The following BUB1 variants were observed in gnomAD, a reference collection of about 807,000 sequenced individuals.
BUB1 encodes BUB1 mitotic checkpoint serine/threonine kinase, also known as mitotic checkpoint serine/threonine-protein kinase BUB1.
In BUB1, 84 loss-of-function variants were observed where a neutral mutation model predicts 135.2. The ratio of observed to expected loss-of-function variants is 0.62; its 90% confidence interval spans 0.52 to 0.74. The LOEUF (loss-of-function observed/expected upper bound fraction) is 0.74. Among genes scored for constraint, BUB1 ranks in the 30% least tolerant of loss-of-function variants. BUB1 has a pLI of 0.00. For synonymous variants in BUB1, 403 were observed against 434.4 expected (o/e 0.93, Z 0.90); for missense variants, 1,162 against 1,288.3 (o/e 0.90, Z 1.50).
chr2:110,648,459 C>G lies in BUB1; in HGVS notation c.2347+775G>C, dbSNP rs1250654881. Among the ~76,000 whole-genome samples the G allele has an allele frequency of 6.6e-6, 1 of 152,112 alleles. No individual in the cohort carries two copies. Among genetic ancestry groups the G allele is most frequent in the Non-Finnish European group, 1.5e-5 (1 of 68,024 alleles). On this transcript the variant is annotated intron_variant, in intron 19 of 24. Transcript: ENST00000302759. The surrounding 1 kb of genome is among the most constrained non-coding windows in gnomAD (Gnocchi z 4.2). The stretch of plus-strand genomic sequence containing the variant: ...GGTGAGGAAATGATTCTGTATGATA[C>G]TGTAATGATGGATACATGTCACTGT...
chr2:110,645,161 C>T (rs1242563468), intron 19 of BUB1, among the ~76,000 whole-genome samples: 5 of 152,038 alleles, frequency 3.3e-5, no homozygotes, highest in South Asian at 2.1e-4. Context: ...AGCCCAGGTG[C>T]GGTGGCTCAC....
intron 11 of BUB1, among the ~76,000 whole-genome samples, chr2:110,659,296 T>C (rs1354397868): frequency 3.9e-5 from 6 of 152,198 alleles, no homozygotes; most frequent in Non-Finnish European, 8.8e-5. Context: ...GCTAATGGCA[T>C]GGTAGCTCCC....
intron 5 of BUB1, among the ~76,000 whole-genome samples, chr2:110,669,913 T>TG (rs1483291721): frequency 2.0e-5 from 3 of 152,172 alleles, no homozygotes; most frequent in Admixed American, 2.0e-4. Context: ...TCAAAATAGA[T>TG]GGAGTCCAGA....
rs1689971724 is a variant in BUB1, at chr2:110,657,763, A to C, written c.1517-118T>G. The C allele has an allele frequency of 5.8e-6, 4 of 684,874 alleles. No individual in the cohort carries two copies. In the East Asian group the frequency reaches 1.2e-4, roughly 20 times the overall value. The allele number at this position is 684,874 out of a possible 1,614,324, so 42.4% of individuals were successfully genotyped here. ...CAGCTGACAGAAAAGAACTAATATC[A>C]GCTTTTCAAATACTAGGCAGTAAGT... On this transcript the variant is annotated intron_variant, in intron 13 of 24. Transcript: ENST00000302759.
Position 110,650,637 on chromosome 2 carries a change from G to A in BUB1, c.2112C>T (p.Asp704=), listed in dbSNP as rs1801395. The A allele has an allele frequency of 2.5e-5, 40 of 1,613,776 alleles. No individual in the cohort carries two copies. The highest frequency in any genetic ancestry group is 1.6e-4 in the East Asian group (7 of 44,882). ...CTGGTGGATCTTCTGCAATGGCAGC[G>A]TCAGTGTCTGTGAGTCTGCAAGCCT... ...GVEACRLTDT[D]AAIAEDPPDA... is the part of the protein sequence containing the mutation. The change falls in exon 18 of 25, where the codon GAC becomes GAT. Residue 704 remains aspartate (D), a synonymous_variant. Coordinates refer to ENST00000302759, the MANE Select transcript of BUB1 (RefSeq NM_004336.5).
intron 5 of BUB1, 146 bp downstream of exon 5, chr2:110,670,379 G>C (rs559536754): frequency 3.3e-5 from 26 of 794,976 alleles, no homozygotes; most frequent in Non-Finnish European, 5.1e-5. Flanking sequence ...CCCAGGTGAT[G>C]CACCCATCTT....
rs1357145953 is a variant in BUB1, at chr2:110,649,342, T to C, written c.2239A>G (p.Ile747Val). 1.9e-6 allele frequency: 3 copies of C among 1,597,166 alleles called. No homozygotes were observed. The highest frequency in any genetic ancestry group is 2.6e-6 in the Non-Finnish European group (3 of 1,173,126). ...IVGNPWDDKL[I>V]FKLLSGLSKP... is the part of the protein sequence containing the mutation. ...GAAAGCCCAGATAAAAGTTTGAAAA[T>C]CAGCTTATCATCCCATGGGTTCCCA... is the stretch of plus-strand genomic sequence containing the variant. Residue 747 changes from isoleucine (I) to valine (V), a missense_variant, in exon 19 of 25, where the codon ATT becomes GTT. Ile to Val is a conservative substitution (Grantham distance 29, BLOSUM62 3). Coordinates refer to ENST00000302759, the MANE Select transcript of BUB1 (RefSeq NM_004336.5).
rs567652750 is a variant in BUB1, at chr2:110,672,055, C to T, written c.422+606G>A. Among the ~76,000 whole-genome samples, 54 of 152,226 alleles carry T rather than the reference C, an allele frequency of 3.5e-4. No homozygotes were observed. The South Asian group carries it at 0.011, about 30-fold the overall frequency. On this transcript the variant is annotated intron_variant, in intron 4 of 24. Transcript: ENST00000302759. ...CAGTCTGGCCAACATGGCGAAACCT[C>T]GTCTCTACTAAAAATACAAAAATTA... is the stretch of plus-strand genomic sequence containing the variant.
intron 16 of BUB1, among the ~76,000 whole-genome samples, chr2:110,654,398 A>C (rs756924684): frequency 2.6e-5 from 4 of 152,156 alleles, no homozygotes; most frequent in Non-Finnish European, 5.9e-5. Flanking sequence ...AAGAACAGAA[A>C]TACAGAATAA....
intron 14 of BUB1, 131 bp from the exon 15 acceptor site, chr2:110,657,248 T>C: frequency 1.4e-6 from 1 of 719,718 alleles, no homozygotes; most frequent in East Asian, 2.8e-5. Context: ...TTCCTTGCTT[T>C]TATAGCAGTT....
Position 110,641,481 on chromosome 2 carries a change from GTGGAATCCTGAGTT to G in BUB1, c.2626-31_2626-18del. 1 of 1,593,658 alleles carries G rather than the reference GTGGAATCCTGAGTT, an allele frequency of 6.3e-7. No homozygotes were observed. Among genetic ancestry groups the G allele is most frequent in the Non-Finnish European group, 8.5e-7 (1 of 1,171,562 alleles). ...AATGGCATTCTAGGAACAATGGAAA[GTGGAATCCTGAGTT>G]AGTTGCACAAGATTAATAAAATTTC... is the stretch of plus-strand genomic sequence containing the variant. On this transcript the variant is annotated intron_variant, in intron 21 of 24. Transcript: ENST00000302759.
At position 110,639,731 on chromosome 2, in the gene BUB1, C is replaced by CTAA; in HGVS notation, c.3062+8_3062+10dup. 6.3e-7 allele frequency: 1 copy of CTAA among 1,580,988 alleles called. No individual in the cohort carries two copies. The stretch of plus-strand genomic sequence containing the variant: ...TTCTCTTTTCACTACAGCACCAATG[C>CTAA]TAATACTCACCTTCTAAAAAGACCT... On this transcript the variant is annotated intron_variant, in intron 24 of 24. Transcript: ENST00000302759.
In BUB1 at chr2:110,672,849, G is replaced by A; in HGVS notation, c.234C>T (p.Tyr78=). ...FISYCLKFAE[Y]NSDLHQFFEF... Reference sequence around the variant, plus strand: ...CAAAAAATTGATGGAGGTCACTGTTGTACTCAGCCTACACGAACCCAAAAC... The same window carrying A: ...CAAAAAATTGATGGAGGTCACTGTTATACTCAGCCTACACGAACCCAAAAC... The change falls in exon 4 of 25, where the codon TAC becomes TAT. Residue 78 remains tyrosine, a synonymous_variant. Transcript: ENST00000302759. 2 of 1,603,368 alleles carry A rather than the reference G, an allele frequency of 1.2e-6. No individual in the cohort carries two copies. Among genetic ancestry groups the A allele is most frequent in the Non-Finnish European group, 1.7e-6 (2 of 1,175,280 alleles).
intron 10 of BUB1, 102 bp downstream of exon 10, chr2:110,661,480 T>A (rs868144901): frequency 1.5e-6 from 2 of 1,374,958 alleles, no homozygotes; most frequent in Middle Eastern, 2.7e-4. Flanking sequence ...AAGGCAGACA[T>A]CATTCATCTT....
In BUB1 at chr2:110,649,310, T is replaced by C; in HGVS notation, c.2271A>G (p.Pro757=). ...CAAAAGTATTTGGATAGGAACTCACTGGTTTAGAAAGCCCAGATAAAAGTT... is the reference window on the plus strand; with the variant it reads ...CAAAAGTATTTGGATAGGAACTCACCGGTTTAGAAAGCCCAGATAAAAGTT... The part of the protein sequence containing the change: ...IFKLLSGLSK[P]VSSYPNTFEW... The change falls in exon 19 of 25, where the codon CCA becomes CCG. Residue 757 remains proline, a synonymous_variant. Transcript: ENST00000302759. 6.2e-7 allele frequency: 1 copy of C among 1,611,712 alleles called. No homozygotes were observed. The highest frequency in any genetic ancestry group is 8.5e-7 in the Non-Finnish European group (1 of 1,178,780).
intron 5 of BUB1, among the ~76,000 whole-genome samples, chr2:110,670,047 T>C (rs1559174685): frequency 6.6e-6 from 1 of 151,882 alleles, no homozygotes; most frequent in Non-Finnish European, 1.5e-5. Flanking sequence ...TTTGGGGCTA[T>C]TTAGTGGGCA....
chr2:110,659,240 T>TCCTC (rs1690014418), intron 11 of BUB1, among the ~76,000 whole-genome samples: 1 of 152,192 alleles, frequency 6.6e-6, no homozygotes, highest in South Asian at 2.1e-4. Flanking sequence ...TTTTCCTGCT[T>TCCTC]GAGGGCTTAG....
In BUB1 at chr2:110,669,317, G is replaced by A. The variant is rs968232285; in HGVS notation, c.567+136C>T. The A allele has an allele frequency of 6.2e-6, 4 of 649,876 alleles. No individual in the cohort carries two copies. The Admixed American group carries it at 7.7e-5, about 12-fold the overall frequency. 40.3% of individuals were successfully genotyped at this position (649,876 alleles called of 1,614,324 possible). On this transcript the variant is annotated intron_variant, in intron 6 of 24. Coordinates refer to ENST00000302759, the MANE Select transcript of BUB1 (RefSeq NM_004336.5). The stretch of plus-strand genomic sequence containing the variant: ...GGCCCAGGAAGTTGCCACAGGAGCA[G>A]GTGGCTGACATGGAGCTCAGAGCCA...
At chr2:110,674,054 T>C in intron 3 of BUB1, 32 bp downstream of exon 3, 5 of 1,443,792 alleles carry the variant, frequency 3.5e-6, no homozygotes, top group Non-Finnish European at 4.8e-6. Context: ...AACATGATTA[T>C]AGATTTGATT....
Sources: allele counts gnomAD v4.1 joint callset (sites outside exome capture counted in the v4.1 genomes callset), GRCh38; gene constraint gnomAD v4.1.1; non-coding constraint Gnocchi (gnomAD v3.1); transcripts MANE v1.5; gene names NCBI Gene and HGNC (gene_info 2026-07-23, HGNC 2026-07-21).